Variants in TNKS observed in about 807,000 individuals in gnomAD.
TNKS encodes the protein poly [ADP-ribose] polymerase tankyrase-1.
In TNKS, 72 loss-of-function variants were observed where a neutral mutation model predicts 135.8. The observed-to-expected ratio is 0.53, with a 90% CI of 0.44 to 0.64. The LOEUF is 0.64. Ranked by LOEUF, TNKS falls within the 30% of genes least tolerant of loss-of-function variation. The pLI, the probability that TNKS is intolerant of heterozygous loss-of-function variation, is 0.00. For synonymous variants in TNKS, 849 were observed against 649.3 expected (o/e 1.31, Z -4.68); for missense variants, 1,769 against 1,674.0 (o/e 1.06, Z -0.99).
At chr8:9,721,194 ATTGC>A (rs1804861627) in intron 12 of TNKS, among the ~76,000 whole-genome samples, 1 of 150,842 alleles carries the variant, frequency 6.6e-6, no homozygotes. Context: ...GGCAAGGAGA[ATTGC>A]TTGAACGCGG....
intron 11 of TNKS, among the ~76,000 whole-genome samples, chr8:9,715,989 A>G (rs993066716): frequency 6.6e-6 from 1 of 152,196 alleles, no homozygotes; most frequent in African/African-American, 2.4e-5. Flanking sequence ...CCCCAACTGC[A>G]TATGGTATTC....
chr8:9,746,108 G>A (rs555405053), intron 17 of TNKS, among the ~76,000 whole-genome samples: 8 of 152,224 alleles, frequency 5.3e-5, no homozygotes, highest in African/African-American at 1.9e-4. Flanking sequence ...AATAGATGAT[G>A]TGCTTTTGAG....
chr8:9,711,952 C>A (rs1394925501), intron 11 of TNKS, among the ~76,000 whole-genome samples: 1 of 152,136 alleles, frequency 6.6e-6, no homozygotes, highest in African/African-American at 2.4e-5. Context: ...GATTTTGAAT[C>A]TATTCAAAAC....
At chr8:9,660,113 A>C (rs141733093) in intron 3 of TNKS, among the ~76,000 whole-genome samples, 17,940 of 152,184 alleles carry the variant, frequency 0.12, 1,266 homozygotes, top group Admixed American at 0.22. Context: ...CCAACCAAAA[A>C]AAGTCCAGGA....
intron 17 of TNKS, 123 bp downstream of exon 17, chr8:9,735,609 G>T (rs1212106375): frequency 2.6e-5 from 19 of 734,944 alleles, no homozygotes; most frequent in Non-Finnish European, 3.9e-5. Context: ...GACAATCCTG[G>T]CTAACACGGT....
At chr8:9,678,448 TAGAA>T (rs1449483847) in intron 3 of TNKS, among the ~76,000 whole-genome samples, 36 of 152,340 alleles carry the variant, frequency 2.4e-4, no homozygotes, top group African/African-American at 7.5e-4. Context: ...TATGGGAAAT[TAGAA>T]AGACCAACTC....
At chr8:9,716,076 C>T (rs1039690155) in intron 11 of TNKS, among the ~76,000 whole-genome samples, 4 of 152,078 alleles carry the variant, frequency 2.6e-5, no homozygotes, top group African/African-American at 9.7e-5. Context: ...CTGTTAAATA[C>T]GTGAAACATG....
chr8:9,674,532 A>G (rs1802452391), intron 3 of TNKS, among the ~76,000 whole-genome samples: 1 of 152,200 alleles, frequency 6.6e-6, no homozygotes, highest in African/African-American at 2.4e-5. Flanking sequence ...GTCCAATAGA[A>G]GTTTCAGCTC....
chr8:9,752,260 T>C (rs1278568699), intron 19 of TNKS, among the ~76,000 whole-genome samples: 1 of 152,024 alleles, frequency 6.6e-6, no homozygotes, highest in Non-Finnish European at 1.5e-5. Flanking sequence ...ATTAGTATAA[T>C]ATTCTCTATA....
intron 5 of TNKS, among the ~76,000 whole-genome samples, chr8:9,698,869 C>T (rs1362564349): frequency 6.6e-6 from 1 of 152,174 alleles, no homozygotes; most frequent in East Asian, 1.9e-4. Context: ...TCCAAGAAGA[C>T]ATCTTTAATT....
chr8:9,764,030 T>C (rs1186061189), intron 22 of TNKS, among the ~76,000 whole-genome samples: 1 of 152,142 alleles, frequency 6.6e-6, no homozygotes, highest in Non-Finnish European at 1.5e-5. Context: ...GTCCGGTGTC[T>C]TACTACCTAA....
At chr8:9,735,279 G>C in intron 16 of TNKS, 98 bp from the exon 17 acceptor site, 4 of 1,240,674 alleles carry the variant, frequency 3.2e-6, no homozygotes. Flanking sequence ...GAAGCAAAAA[G>C]TATTAAAACC....
rs192033466 is a variant in TNKS at position 9,776,906 on chromosome 8, A to C, written c.*170A>C. On this transcript the variant is annotated 3_prime_UTR_variant, in exon 27 of 27. Transcript: ENST00000310430. ...GATGAATAGTATGAGTAACTGATACATACTCAACTGCTACTGTTCCCTTTG... is the reference window on the plus strand; with the variant it reads ...GATGAATAGTATGAGTAACTGATACCTACTCAACTGCTACTGTTCCCTTTG... 1.7e-6 allele frequency: 1 copy of C among 600,936 alleles called. No homozygotes were observed. Among genetic ancestry groups the C allele is most frequent in the East Asian group, 2.8e-5 (1 of 35,642 alleles). The allele number at this position is 600,936 out of a possible 1,614,324, so 37.2% of individuals were successfully genotyped here.
In TNKS at chr8:9,777,424, GA is replaced by G. The variant is rs1459889070; in HGVS notation, c.*690del. 1 of 152,288 alleles carries G rather than the reference GA, an allele frequency of 6.6e-6. No individual in the cohort carries two copies. Among genetic ancestry groups the G allele is most frequent in the Admixed American group, 6.5e-5 (1 of 15,278 alleles). 9.4% of individuals were successfully genotyped at this position (152,288 alleles called of 1,614,324 possible). On this transcript the variant is annotated 3_prime_UTR_variant, in exon 27 of 27. Transcript: ENST00000310430. ...ACATCAAGTTTTAGTACCTTTTTATGAATTGGCCTATCTTACAAGAGAAGGG... is the reference window on the plus strand; with the variant it reads ...ACATCAAGTTTTAGTACCTTTTTATGATTGGCCTATCTTACAAGAGAAGGG...
At position 9,748,152 on chromosome 8, in the gene TNKS, G is replaced by GC; in HGVS notation, c.2773dup (p.His925ProfsTer22). The GC allele has an allele frequency of 6.2e-7, 1 of 1,613,992 alleles. No homozygotes were observed. The highest frequency in any genetic ancestry group is 8.5e-7 in the Non-Finnish European group (1 of 1,179,948). ...CGCAGCTGTGCGCCCTCCTCCTAGC[G>GC]CATGGTGCAGACCCCACCATGAAGA... On this transcript the variant is annotated frameshift_variant, in exon 18 of 27. Transcript: ENST00000310430. LOFTEE classifies it high-confidence loss of function.
At chr8:9,773,181 T>A (rs1808036133) in intron 26 of TNKS, among the ~76,000 whole-genome samples, 1 of 152,034 alleles carries the variant, frequency 6.6e-6, no homozygotes, top group African/African-American at 2.4e-5. Context: ...GAATAATCAG[T>A]GATAGTCACA....
chr8:9,749,656 C>G (rs1421091381), intron 18 of TNKS, among the ~76,000 whole-genome samples: 1 of 151,664 alleles, frequency 6.6e-6, no homozygotes, highest in Non-Finnish European at 1.5e-5. Flanking sequence ...TTTGTTTTTA[C>G]TTTTTGTAGA....
intron 1 of TNKS, chr8:9,574,986 G>A (rs1389580912): frequency 3.4e-6 from 3 of 895,352 alleles, no homozygotes; most frequent in South Asian, 5.2e-5. Flanking sequence ...TAAGAATGTG[G>A]AAAGATTCTA....
chr8:9,622,931 A>G (rs569498287), intron 3 of TNKS, among the ~76,000 whole-genome samples: 3 of 152,310 alleles, frequency 2.0e-5, no homozygotes, highest in Non-Finnish European at 2.9e-5. Context: ...GGTTTTTCCT[A>G]TATGTACATA....
Sources: gnomAD v4.1 joint callset for allele counts (sites outside exome capture counted in the v4.1 genomes callset) on GRCh38, gnomAD v4.1.1 for gene constraint, MANE v1.5 for transcripts, NCBI Gene and HGNC (gene_info 2026-07-23, HGNC 2026-07-21) for gene names.